CHRD: variants seen among roughly 807,000 people sequenced by gnomAD.
The protein encoded by CHRD is chordin.
In CHRD, 69 loss-of-function variants were observed where a neutral mutation model predicts 113.7. The ratio of observed to expected loss-of-function variants is 0.61; its 90% CI spans 0.50 to 0.74. CHRD has a LOEUF of 0.74. Among genes scored for constraint, CHRD ranks in the 30% least tolerant of loss-of-function variants. The probability of loss-of-function intolerance (pLI) is 0.00; values close to 1 mark genes in which losing one functional copy is unlikely to be tolerated. For synonymous variants in CHRD, 561 were observed against 540.8 expected (o/e 1.04, Z -0.52); for missense variants, 1,194 against 1,295.8 (o/e 0.92, Z 1.21).
downstream of CHRD, chr3:184,390,085 C>G (rs1716946608): frequency 1.3e-5 from 2 of 152,094 alleles, no homozygotes; most frequent in Non-Finnish European, 2.9e-5. Flanking sequence ...TTTAGTTTCC[C>G]ACATCGCTGG....
chr3:184,380,206 T>G lies in CHRD; in HGVS notation c.-113T>G. On this transcript the variant is annotated 5_prime_UTR_variant, in exon 1 of 23. Coordinates refer to ENST00000204604, the Ensembl canonical transcript of CHRD. The surrounding 1 kb of genome is among the most constrained non-coding windows in gnomAD (Gnocchi z 6.3). The stretch of plus-strand genomic sequence containing the variant: ...GGCCCCGGCCCCGGCCCCGGCCCCC[T>G]CCCGCCGCACCGCCCCCGGCCCGGC... 6.2e-5 allele frequency: 2 copies of G among 32,288 alleles called. No individual in the cohort carries two copies. Among genetic ancestry groups the G allele is most frequent in the Non-Finnish European group, 1.1e-4 (2 of 17,682 alleles). 2.0% of individuals were successfully genotyped at this position (32,288 alleles called of 1,614,324 possible).
intron 12 of CHRD, among the ~76,000 whole-genome samples, chr3:184,383,990 T>C (rs1244108684): frequency 6.6e-6 from 1 of 152,186 alleles, no homozygotes; most frequent in East Asian, 1.9e-4. Context: ...TTGGCCAGGA[T>C]GGTCTTGATC....
intron 6 of CHRD, 21 bp from the exon 7 acceptor site, chr3:184,382,368 C>T: frequency 6.2e-7 from 1 of 1,614,134 alleles, no homozygotes; most frequent in Non-Finnish European, 8.5e-7. Flanking sequence ...AGCGTAGGGC[C>T]TTCTTGTCTC....
chr3:184,381,112 G>T lies in CHRD; in HGVS notation c.253-123G>T. ...GAGGCCCAGAGAGATGAAGTAGCTTGTCTAGGGTCACGCAGCTTGTAAGTG... is the reference window on the plus strand; with the variant it reads ...GAGGCCCAGAGAGATGAAGTAGCTTTTCTAGGGTCACGCAGCTTGTAAGTG... On this transcript the variant is annotated intron_variant, in intron 2 of 22. Coordinates refer to ENST00000204604, the Ensembl canonical transcript of CHRD. The surrounding 1 kb of genome is among the most constrained non-coding windows in gnomAD (Gnocchi z 4.7). 1 of 1,122,914 alleles carries T rather than the reference G, an allele frequency of 8.9e-7. No homozygotes were observed. The highest frequency in any genetic ancestry group is 1.3e-6 in the Non-Finnish European group (1 of 743,174). The allele number at this position is 1,122,914 out of a possible 1,614,324, so 69.6% of individuals were successfully genotyped here.
chr3:184,381,574 AC>A lies in CHRD; in HGVS notation c.463del (p.Arg155AlafsTer22). The A allele has an allele frequency of 6.2e-7, 1 of 1,608,414 alleles. No individual in the cohort carries two copies. ...GACCCGGAGCATCGCAGTTATAGCG[AC>A]CGCGGGGAGCCAGGCGCTGAGGAGC... On this transcript the variant is annotated frameshift_variant, in exon 4 of 23. Transcript: ENST00000204604. LOFTEE classifies it high-confidence loss of function. The surrounding 1 kb of genome is among the most constrained non-coding windows in gnomAD (Gnocchi z 4.7).
intron 14 of CHRD, 136 bp from the exon 15 acceptor site, chr3:184,385,910 C>A: frequency 2.3e-6 from 2 of 867,736 alleles, no homozygotes; most frequent in Admixed American, 2.1e-5. Context: ...AAGCTCCACA[C>A]TATTGCCAAT....
Position 184,384,845 on chromosome 3 carries a change from C to G in CHRD, c.1597+152C>G. ...CATATAGGGTGGCCCTGCTGGCGGA[C>G]TCTTCCTGTTGCTGAGGTTCAAGGG... On this transcript the variant is annotated intron_variant, in intron 13 of 22. Coordinates refer to ENST00000204604, the Ensembl canonical transcript of CHRD. The surrounding 1 kb of genome is among the most constrained non-coding windows in gnomAD (Gnocchi z 4.4). The G allele has an allele frequency of 1.6e-6, 2 of 1,229,372 alleles. No homozygotes were observed. The highest frequency in any genetic ancestry group is 2.2e-6 in the Non-Finnish European group (2 of 889,550). 76.2% of individuals were successfully genotyped at this position (1,229,372 alleles called of 1,614,324 possible).
Position 184,381,695 on chromosome 3 carries a change from G to A in CHRD, c.512-21G>A. 1 of 1,611,742 alleles carries A rather than the reference G, an allele frequency of 6.2e-7. No homozygotes were observed. Among genetic ancestry groups the A allele is most frequent in the Non-Finnish European group, 8.5e-7 (1 of 1,179,398 alleles). Reference sequence around the variant, plus strand: ...CAAAGCGGCGTTTGACAGTGCTCAGGCCATCTTCCTCCCGTCCCAGACTTC... The same window carrying A: ...CAAAGCGGCGTTTGACAGTGCTCAGACCATCTTCCTCCCGTCCCAGACTTC... On this transcript the variant is annotated intron_variant, in intron 4 of 22. Transcript: ENST00000204604. The surrounding 1 kb of genome is among the most constrained non-coding windows in gnomAD (Gnocchi z 4.7).
At chr3:184,389,625 T>C in exon 23 of CHRD, 1 of 570,228 alleles carries the variant, frequency 1.8e-6, no homozygotes, top group South Asian at 2.2e-5. Flanking sequence ...TCACAGCCAC[T>C]CCAAGTCCTG....
chr3:184,381,432 G>A lies in CHRD; in HGVS notation c.383-64G>A. ...ATACTAGGTCCCGGGCCACTTGGAT[G>A]GGGCGTCGGACTGGCCTTTCCCATG... On this transcript the variant is annotated intron_variant, in intron 3 of 22. Coordinates refer to ENST00000204604, the Ensembl canonical transcript of CHRD. The surrounding 1 kb of genome is among the most constrained non-coding windows in gnomAD (Gnocchi z 4.7). The A allele has an allele frequency of 6.3e-7, 1 of 1,598,022 alleles. No homozygotes were observed. Among genetic ancestry groups the A allele is most frequent in the Non-Finnish European group, 8.5e-7 (1 of 1,172,328 alleles).
At position 184,384,387 on chromosome 3, in the gene CHRD, G is replaced by C; in HGVS notation, c.1441-150G>C. The C allele has an allele frequency of 1.2e-6, 1 of 833,106 alleles. No individual in the cohort carries two copies. Among genetic ancestry groups the C allele is most frequent in the African/African-American group, 1.7e-5 (1 of 57,402 alleles). 51.6% of individuals were successfully genotyped at this position (833,106 alleles called of 1,614,324 possible). A position where few individuals can be genotyped will look rare whatever the true frequency, so the allele number is the denominator to read the frequency against. Reference sequence around the variant, plus strand: ...TACATAGCTAGGAAGCAGCAGGGGAGGGCCTTGAAACTGGGCCTGCCAGGT... The same window carrying C: ...TACATAGCTAGGAAGCAGCAGGGGACGGCCTTGAAACTGGGCCTGCCAGGT... On this transcript the variant is annotated intron_variant, in intron 12 of 22. Coordinates refer to ENST00000204604, the Ensembl canonical transcript of CHRD. The surrounding 1 kb of genome is among the most constrained non-coding windows in gnomAD (Gnocchi z 4.4).
At position 184,388,902 on chromosome 3, in the gene CHRD, C is replaced by A; in HGVS notation, c.2719C>A (p.Pro907Thr). 1 of 1,612,998 alleles carries A rather than the reference C, an allele frequency of 6.2e-7. No individual in the cohort carries two copies. Residue 907 changes from proline (P) to threonine (T), a missense_variant, in exon 22 of 23, where the codon CCT (proline) becomes ACT (threonine). Pro to Thr is a conservative substitution (Grantham distance 38). Transcript: ENST00000204604. This position sits in a 1 kb window ranked among gnomAD's most constrained non-coding sequence, Gnocchi z 6.1. Reference sequence around the variant, plus strand: ...CTCTGTCTTGTACCAGGCAGGGGTGCCTCACTGTGAGCGGGATGACTGTTC... The same window carrying A: ...CTCTGTCTTGTACCAGGCAGGGGTGACTCACTGTGAGCGGGATGACTGTTC...
chr3:184,385,160 C>T (rs1716083769), exon 14 of CHRD: 1 of 1,614,158 alleles, frequency 6.2e-7, no homozygotes, highest in Non-Finnish European at 8.5e-7. Flanking sequence ...CAGAACAAGG[C>T]ACTGTCACTG....
rs537922890 is a variant in CHRD at position 184,388,461 on chromosome 3, A to G, written c.2555-126A>G. 1.3e-5 allele frequency: 14 copies of G among 1,052,004 alleles called. No individual in the cohort carries two copies. In the African/African-American group the frequency reaches 2.2e-4, roughly 17 times the overall value. 65.2% of individuals were successfully genotyped at this position (1,052,004 alleles called of 1,614,324 possible). A position where few individuals can be genotyped will look rare whatever the true frequency, so the allele number is the denominator to read the frequency against. On this transcript the variant is annotated intron_variant, in intron 20 of 22. Transcript: ENST00000204604. The surrounding 1 kb of genome is among the most constrained non-coding windows in gnomAD (Gnocchi z 6.1). ...CCTTCATCCATCCATTCATCTGCCC[A>G]CCCACCCATCCAAATTTATCACCTA...
chr3:184,381,125 C>A lies in CHRD; in HGVS notation c.253-110C>A. ...ATGAAGTAGCTTGTCTAGGGTCACG[C>A]AGCTTGTAAGTGGCAGAGCTGGCTG... On this transcript the variant is annotated intron_variant, in intron 2 of 22. Transcript: ENST00000204604. The surrounding 1 kb of genome is among the most constrained non-coding windows in gnomAD (Gnocchi z 4.7). The A allele has an allele frequency of 1.6e-6, 2 of 1,266,610 alleles. No individual in the cohort carries two copies. The highest frequency in any genetic ancestry group is 1.2e-5 in the South Asian group (1 of 83,962). 78.5% of individuals were successfully genotyped at this position (1,266,610 alleles called of 1,614,324 possible).
rs1290508519 is a variant in CHRD, at chr3:184,387,506, A to G, written c.2451+29A>G. ...TGGCCACCCAATCTTCTCTGGTGCC[A>G]TAACCCAGCGGGGTCTGCAGAGATG... On this transcript the variant is annotated intron_variant, in intron 19 of 22. Transcript: ENST00000204604. This position sits in a 1 kb window ranked among gnomAD's most constrained non-coding sequence, Gnocchi z 6.1. The G allele has an allele frequency of 4.4e-5, 69 of 1,573,674 alleles. No individual in the cohort carries two copies. Among genetic ancestry groups the G allele is most frequent in the Non-Finnish European group, 5.9e-5 (69 of 1,159,758 alleles).
Position 184,387,892 on chromosome 3 carries a change from C to A in CHRD, c.2452-39C>A. Reference sequence around the variant, plus strand: ...AGGGAGTGGGCAGGAGGCTTATGTGCCCCCTGCCTGACACTCCTTGCTCAA... The same window carrying A: ...AGGGAGTGGGCAGGAGGCTTATGTGACCCCTGCCTGACACTCCTTGCTCAA... On this transcript the variant is annotated intron_variant, in intron 19 of 22. Transcript: ENST00000204604. This position sits in a 1 kb window ranked among gnomAD's most constrained non-coding sequence, Gnocchi z 6.1. The A allele has an allele frequency of 6.4e-7, 1 of 1,553,140 alleles. No individual in the cohort carries two copies. The highest frequency in any genetic ancestry group is 8.8e-7 in the Non-Finnish European group (1 of 1,135,870).
In CHRD at chr3:184,382,550, G is replaced by A. The variant is rs73189656; in HGVS notation, c.841+20G>A. Reference sequence around the variant, plus strand: ...CTGCAGGTAGGGAGCAAAGAGCCCCGGGCGTGAAGTTCTGAGTCTTCTCTA... The same window carrying A: ...CTGCAGGTAGGGAGCAAAGAGCCCCAGGCGTGAAGTTCTGAGTCTTCTCTA... On this transcript the variant is annotated intron_variant, in intron 7 of 22. Coordinates refer to ENST00000204604, the Ensembl canonical transcript of CHRD. 168,367 of 1,613,096 alleles carry A rather than the reference G, an allele frequency of 0.1. 9,533 individuals are homozygous for A. The highest frequency in any genetic ancestry group is 0.19 in the East Asian group (8,339 of 44,828).
intron 14 of CHRD, 37 bp from the exon 15 acceptor site, chr3:184,386,009 G>T (rs1716216961): frequency 6.2e-7 from 1 of 1,605,614 alleles, no homozygotes; most frequent in South Asian, 1.1e-5. Flanking sequence ...CAGCCCTAAA[G>T]TGCCTTATTC....
Sources: gnomAD v4.1 joint callset for allele counts (sites outside exome capture counted in the v4.1 genomes callset) on GRCh38, gnomAD v4.1.1 for gene constraint, Gnocchi (gnomAD v3.1) non-coding constraint, MANE v1.5 for transcripts, NCBI Gene and HGNC (gene_info 2026-07-23, HGNC 2026-07-21) for gene names.